SCN7A: variants seen among roughly 807,000 people sequenced by gnomAD.
The protein encoded by SCN7A is sodium channel protein type 7 subunit alpha.
In SCN7A, 138 loss-of-function variants were observed where a neutral mutation model predicts 155.2. The ratio of observed to expected loss-of-function variants is 0.89; its 90% CI spans 0.77 to 1.02. The LOEUF is 1.02. Among genes scored for constraint, SCN7A ranks in the 50% least tolerant of loss-of-function variants. SCN7A has a pLI of 0.00. For synonymous variants in SCN7A, 693 were observed against 649.0 expected (o/e 1.07, Z -1.03); for missense variants, 2,058 against 1,986.6 (o/e 1.04, Z -0.68).
At position 166,441,738 on chromosome 2, in the gene SCN7A, C is replaced by T; in HGVS notation, c.1815G>A (p.Lys605=). 1 of 1,598,508 alleles carries T rather than the reference C, an allele frequency of 6.3e-7. No homozygotes were observed. Among genetic ancestry groups the T allele is most frequent in the Non-Finnish European group, 8.5e-7 (1 of 1,173,826 alleles). The change falls in exon 15 of 26, where the codon AAG becomes AAA. Residue 605 remains lysine, a synonymous_variant. Transcript: ENST00000643258. ...LRLFRMLRIF[K]LGKYWPTFQI... ...GGAATGTTGGCCAATACTTTCCCAA[C>T]TTGAAAATTCTTAACTAATAGAGCA...
At chr2:166,463,391 C>T (rs1015217115) in intron 9 of SCN7A, among the ~76,000 whole-genome samples, 6 of 152,082 alleles carry the variant, frequency 3.9e-5, no homozygotes, top group Non-Finnish European at 5.9e-5. Flanking sequence ...TTTAATGGAA[C>T]AAGGAGAGAT....
intron 18 of SCN7A, among the ~76,000 whole-genome samples, chr2:166,427,280 G>A (rs972179832): frequency 7.2e-5 from 11 of 152,022 alleles, no homozygotes; most frequent in African/African-American, 2.2e-4. Context: ...ACCATTTAAT[G>A]TGCAGATATT....
Position 166,447,458 on chromosome 2 carries a change from A to T in SCN7A, c.1387+154T>A, listed in dbSNP as rs572429500. ...AATGTTTAAAACACCATGATTCTAA[A>T]ATTTTTATACATGGTTTATCCTAAT... is the stretch of plus-strand genomic sequence containing the variant. On this transcript the variant is annotated intron_variant, in intron 12 of 25. Transcript: ENST00000643258. Among the ~76,000 whole-genome samples the T allele has an allele frequency of 2.3e-4, 35 of 152,258 alleles. No homozygotes were observed. In the South Asian group the frequency reaches 7.0e-3, roughly 31 times the overall value.
chr2:166,449,813 A>G (rs995161648), intron 11 of SCN7A, among the ~76,000 whole-genome samples: 2 of 152,142 alleles, frequency 1.3e-5, no homozygotes, highest in Admixed American at 1.3e-4. Flanking sequence ...AAAAACAAAA[A>G]CAAAACAGAT....
intron 20 of SCN7A, among the ~76,000 whole-genome samples, chr2:166,419,918 A>G (rs1441726862): frequency 7.9e-5 from 12 of 152,258 alleles, no homozygotes; most frequent in Non-Finnish European, 1.6e-4. Context: ...CAAAATATTA[A>G]TTTCCCAACA....
chr2:166,406,070 T>A lies in SCN7A; in HGVS notation c.4559A>T (p.Gln1520Leu). The A allele has an allele frequency of 6.2e-7, 1 of 1,612,694 alleles. No homozygotes were observed. The highest frequency in any genetic ancestry group is 1.1e-5 in the South Asian group (1 of 91,058). The change falls in exon 26 of 26, where the codon CAG becomes CTG. Residue 1520 changes from glutamine (Q) to leucine (L), a missense_variant. Transcript: ENST00000643258. The part of the protein sequence containing the change: ...LSEDDFRKFF[Q>L]VWKRFDPDRT... ...ATCAGGATCAAACCTTTTCCATACC[T>A]GAAAGAATTTCCTAAAATCATCTTC...
At position 166,443,649 on chromosome 2, in the gene SCN7A, T is replaced by C. The variant is rs1474460969; in HGVS notation, c.1654A>G (p.Met552Val). 7 of 1,548,276 alleles carry C rather than the reference T, an allele frequency of 4.5e-6. No homozygotes were observed. The highest frequency in any genetic ancestry group is 2.4e-5 in the South Asian group (2 of 81,796). Residue 552 changes from methionine (M) to valine (V), a missense_variant, in exon 14 of 26, where the codon ATG becomes GTG. Transcript: ENST00000643258. ...LVFIGIFTAE[M>V]IFKIIAMHPY... ...TGCATTGCAATTATTTTAAAAATCA[T>C]TTCTGCTGTGAAAATTCCAATGAAA...
chr2:166,424,226 T>TAAAATAATCTTAAAATAAAAATA (rs1701573296), intron 18 of SCN7A, among the ~76,000 whole-genome samples: 1 of 152,132 alleles, frequency 6.6e-6, no homozygotes, highest in Non-Finnish European at 1.5e-5. Context: ...ATAAAGATTA[T>TAAAATAATCTTAAAATAAAAATA]AAAGTTCTTA....
intron 20 of SCN7A, among the ~76,000 whole-genome samples, chr2:166,417,460 C>G (rs1271105093): frequency 6.6e-6 from 1 of 151,946 alleles, no homozygotes; most frequent in Non-Finnish European, 1.5e-5. Context: ...GCAACAGACC[C>G]AGACTCCATC....
At chr2:166,422,165 A>G (rs754150663) in intron 19 of SCN7A, among the ~76,000 whole-genome samples, 1 of 152,118 alleles carries the variant, frequency 6.6e-6, no homozygotes, top group Non-Finnish European at 1.5e-5. Context: ...TTAAATCATT[A>G]ATTGTAGATT....
rs1702092248 is a variant in SCN7A, at chr2:166,447,652, T to C, written c.1347A>G (p.Ser449=). Residue 449 remains serine, a synonymous_variant, in exon 12 of 26, where the codon TCA becomes TCG. Transcript: ENST00000643258. ...KKRSPISTDT[S]LDVLEDATLR... ...GAGTAGCATCTTCCAACACATCCAA[T>C]GATGTGTCTGTGGAAATTGGTGACC... 1 of 1,612,770 alleles carries C rather than the reference T, an allele frequency of 6.2e-7. No individual in the cohort carries two copies. Among genetic ancestry groups the C allele is most frequent in the Non-Finnish European group, 8.5e-7 (1 of 1,179,094 alleles).
rs1292308700 is a variant in SCN7A at position 166,432,413 on chromosome 2, A to G, written c.2497T>C (p.Ser833Pro). The change falls in exon 16 of 26, where the codon TCA becomes CCA. Residue 833 changes from serine to proline, a missense_variant. By Grantham distance (74) the Ser-to-Pro change is moderately conservative. Coordinates refer to ENST00000643258, the MANE Select transcript of SCN7A (RefSeq NM_002976.4). ...CCTGAAGCAATTGGTACAGTTTCTG[A>G]GACACTAGGACTGGGGATAAGTGAT... ...SQSLIPSPSV[S>P]ETVPIASGES... is the part of the protein sequence containing the mutation. 2.5e-6 allele frequency: 4 copies of G among 1,613,456 alleles called. No individual in the cohort carries two copies. In the East Asian group the frequency reaches 6.7e-5, roughly 27 times the overall value.
chr2:166,465,485 A>T lies in SCN7A; in HGVS notation c.918T>A (p.Leu306=). Residue 306 remains leucine (L), a synonymous_variant, in exon 9 of 26, where the codon CTT becomes CTA. Transcript: ENST00000643258. The part of the protein sequence containing the change: ...YYLEGERYAL[L]CGNRTDAGQC... ...ACCCAGCATCTGTCCTGTTGCCACA[A>T]AGGAGAGCATATCTTTCTCCTTCCA... The T allele has an allele frequency of 6.2e-7, 1 of 1,610,350 alleles. No homozygotes were observed. The highest frequency in any genetic ancestry group is 8.5e-7 in the Non-Finnish European group (1 of 1,177,950).
intron 3 of SCN7A, among the ~76,000 whole-genome samples, chr2:166,474,607 C>G (rs1242677036): frequency 1.3e-5 from 2 of 151,370 alleles, no homozygotes. Flanking sequence ...TTGTCTCAAG[C>G]CAACCCCTGG....
chr2:166,481,403 G>A (rs1231512477), intron 2 of SCN7A, among the ~76,000 whole-genome samples: 1 of 152,102 alleles, frequency 6.6e-6, no homozygotes, highest in Non-Finnish European at 1.5e-5. Flanking sequence ...TTAGAATGGT[G>A]AGTCAAATTT....
chr2:166,484,685 A>T (rs1703007014), intron 2 of SCN7A, among the ~76,000 whole-genome samples: 1 of 152,122 alleles, frequency 6.6e-6, no homozygotes, highest in South Asian at 2.1e-4. Flanking sequence ...CAATTTGGAA[A>T]AAATGACACA....
In SCN7A at chr2:166,465,939, A is replaced by G. The variant is rs1354641076; in HGVS notation, c.713T>C (p.Ile238Thr). 6.2e-7 allele frequency: 1 copy of G among 1,613,630 alleles called. No individual in the cohort carries two copies. The highest frequency in any genetic ancestry group is 1.7e-5 in the Admixed American group (1 of 59,934). ...GVLIHCLKQL[I>T]GVIILTLFFL... ...AAACAGAGTTAGGATAATGACACCA[A>G]TAAGCTGCTTCAAGCAGTGGATCAG... is the stretch of plus-strand genomic sequence containing the variant. The change falls in exon 8 of 26, where the codon ATT becomes ACT. Residue 238 changes from isoleucine (I) to threonine (T), a missense_variant. Transcript: ENST00000643258.
intron 1 of SCN7A, among the ~76,000 whole-genome samples, chr2:166,492,187 T>C (rs1463913309): frequency 6.6e-6 from 1 of 152,096 alleles, no homozygotes; most frequent in Non-Finnish European, 1.5e-5. Context: ...TAGAGACTGA[T>C]ATGCAGCAGC....
In SCN7A at chr2:166,473,858, G is replaced by A. The variant is rs1224892831; in HGVS notation, c.384C>T (p.Val128=). 1.3e-5 allele frequency: 21 copies of A among 1,568,388 alleles called. No homozygotes were observed. The highest frequency in any genetic ancestry group is 6.9e-5 in the East Asian group (3 of 43,248). The change falls in exon 5 of 26, where the codon GTC becomes GTT. Residue 128 remains valine, a synonymous_variant. Coordinates refer to ENST00000643258, the MANE Select transcript of SCN7A (RefSeq NM_002976.4). ...GGGACATGAATACGCAATCAATCAG[G>A]ACACTAATTAGAATAAACAGTTGGA... ...PFFQLFILIS[V]LIDCVFMSLT... is the part of the protein sequence containing the mutation.
Sources: gnomAD v4.1 joint callset for allele counts (sites outside exome capture counted in the v4.1 genomes callset) on GRCh38, gnomAD v4.1.1 for gene constraint, MANE v1.5 for transcripts, NCBI Gene and HGNC (gene_info 2026-07-23, HGNC 2026-07-21) for gene names.